C1orf167: variants seen among roughly 807,000 people sequenced by gnomAD.
C1orf167 encodes the protein uncharacterized protein C1orf167.
In C1orf167, 153 loss-of-function variants were observed where a neutral mutation model predicts 176.5. The ratio of observed to expected loss-of-function variants is 0.87; its 90% CI spans 0.76 to 0.99. The LOEUF is 0.99. C1orf167 is among the 50% of genes least tolerant of loss of function. The pLI, the probability that C1orf167 is intolerant of heterozygous loss-of-function variation, is 0.00. For missense variants in C1orf167, 1,490 were observed against 1,817.7 expected (o/e 0.82, Z 3.28); for synonymous variants, 594 against 752.7 (o/e 0.79, Z 3.45).
At chr1:11,784,639 C>T (rs1434899838) in intron 15 of C1orf167, 46 bp downstream of exon 15, 13 of 1,200,656 alleles carry the variant, frequency 1.1e-5, no homozygotes, top group Non-Finnish European at 1.4e-5. Context: ...GCTTCCAGCT[C>T]AGGCCTCAAG....
intron 13 of C1orf167, among the ~76,000 whole-genome samples, chr1:11,781,897 A>G (rs1051521425): frequency 4.0e-5 from 6 of 149,486 alleles, no homozygotes; most frequent in African/African-American, 1.2e-4. Flanking sequence ...GTGACGGAGT[A>G]AGACTCCGTC....
intron 17 of C1orf167, 71 bp from the exon 18 acceptor site, chr1:11,787,802 T>G (rs906727494): frequency 8.4e-7 from 1 of 1,185,300 alleles, no homozygotes; most frequent in Non-Finnish European, 1.1e-6. Context: ...ACTCAACTCC[T>G]AGGCGGGCAC....
rs566468933 is a variant in C1orf167, at chr1:11,763,254, T to A, written c.-71+949T>A. Among the ~76,000 whole-genome samples, 24 of 152,232 alleles carry A rather than the reference T, an allele frequency of 1.6e-4. No homozygotes were observed. The Middle Eastern group carries it at 0.017, about 108-fold the overall frequency. On this transcript the variant is annotated intron_variant, in intron 1 of 20. Transcript: ENST00000688073. ...CAGGAGTTCGAGACCATCCTGGCCA[T>A]CATGGTGAAACCCTGTCTCTACCAA...
At chr1:11,784,099 C>G (rs1467992893) in intron 14 of C1orf167, 75 bp from the exon 15 acceptor site, 13 of 1,175,248 alleles carry the variant, frequency 1.1e-5, no homozygotes, top group East Asian at 6.0e-5. Flanking sequence ...AGGTGATCCA[C>G]TCACCTTGGC....
chr1:11,767,515 G>C (rs1642859683), intron 4 of C1orf167, among the ~76,000 whole-genome samples: 1 of 152,064 alleles, frequency 6.6e-6, no homozygotes. Context: ...GGCCACCCTG[G>C]GTTTTCGGCA....
rs1401998894 is a variant in C1orf167 at position 11,779,893 on chromosome 1, G to A, written c.2743G>A (p.Val915Met). The A allele has an allele frequency of 2.3e-6, 3 of 1,303,040 alleles. No homozygotes were observed. In the African/African-American group the frequency reaches 4.6e-5, roughly 20 times the overall value. 80.7% of individuals were successfully genotyped at this position (1,303,040 alleles called of 1,614,324 possible). The change falls in exon 13 of 21, where the codon GTG (valine) becomes ATG (methionine). Residue 915 changes from valine (V) to methionine (M), a missense_variant. Physicochemically the swap from Val to Met is conservative, Grantham distance 21. Coordinates refer to ENST00000688073, the MANE Select transcript of C1orf167 (RefSeq NM_001010881.2). ...HRAWDRTCRA[V>M]LGLWRQRLLQ... The stretch of plus-strand genomic sequence containing the variant: ...GGCCTGGGATCGGACCTGCAGGGCT[G>A]TGCTGGGCCTGTGGCGTCAGCGGCT...
At chr1:11,778,868 G>A (rs1245290864) in intron 11 of C1orf167, 52 bp downstream of exon 11, 4 of 1,293,860 alleles carry the variant, frequency 3.1e-6, no homozygotes, top group African/African-American at 1.5e-5. Flanking sequence ...GTGGATGGGT[G>A]GAGATTGTGG....
Position 11,765,941 on chromosome 1 carries a change from G to A in C1orf167, c.155G>A (p.Gly52Glu), listed in dbSNP as rs1430915424. Residue 52 changes from glycine (G) to glutamate (E), a missense_variant, in exon 3 of 21, where the codon GGA becomes GAA. Physicochemically the swap from Gly to Glu is moderately conservative, Grantham distance 98. Transcript: ENST00000688073. ...QWVPGCQVERGGPAATPSPGA... is the reference protein window; with the variant it reads ...QWVPGCQVEREGPAATPSPGA... ...GTGCCCGGGTGCCAGGTGGAGAGGG[G>A]AGGGCCTGCTGCCACACCCTCCCCA... is the stretch of plus-strand genomic sequence containing the variant. The A allele has an allele frequency of 2.4e-6, 3 of 1,260,298 alleles. No homozygotes were observed. In the African/African-American group the frequency reaches 4.6e-5, roughly 19 times the overall value. The allele number at this position is 1,260,298 out of a possible 1,614,324, so 78.1% of individuals were successfully genotyped here.
At position 11,767,022 on chromosome 1, in the gene C1orf167, C is replaced by T. The variant is rs763859250; in HGVS notation, c.1236C>T (p.His412=). The change falls in exon 3 of 21, where the codon CAC becomes CAT. Residue 412 remains histidine (H), a synonymous_variant. Coordinates refer to ENST00000688073, the MANE Select transcript of C1orf167 (RefSeq NM_001010881.2). ...AGGGGGCCCCGAGGGAGCGGGTCCA[C>T]AGGGAGGAGGAGAGGACAGCTTTCC... The part of the protein sequence containing the change: ...GEEGAPRERV[H]REEERTAFHL... 211 of 1,216,272 alleles carry T rather than the reference C, an allele frequency of 1.7e-4. No homozygotes were observed. In the Middle Eastern group the frequency reaches 4.1e-3, roughly 24 times the overall value. The allele number at this position is 1,216,272 out of a possible 1,614,324, so 75.3% of individuals were successfully genotyped here. A position where few individuals can be genotyped will look rare whatever the true frequency, so the allele number is the denominator to read the frequency against.
chr1:11,763,009 G>T (rs1642588148), intron 1 of C1orf167, among the ~76,000 whole-genome samples: 1 of 152,200 alleles, frequency 6.6e-6, no homozygotes, highest in South Asian at 2.1e-4. Flanking sequence ...TGAAGGCAGA[G>T]GGGACAGCAG....
chr1:11,789,116 GCAT>G lies in C1orf167; in HGVS notation c.4174-153_4174-151del. The G allele has an allele frequency of 6.4e-6, 4 of 624,608 alleles. No homozygotes were observed. The South Asian group carries it at 7.5e-5, about 12-fold the overall frequency. 38.7% of individuals were successfully genotyped at this position (624,608 alleles called of 1,614,324 possible). On this transcript the variant is annotated intron_variant, in intron 20 of 20. Coordinates refer to ENST00000688073, the MANE Select transcript of C1orf167 (RefSeq NM_001010881.2). ...ACCATCAGATCTATTCTGAGCTTGT[GCAT>G]TTGGCCTAGGCAAGACTGGCTGGCT...
chr1:11,778,726 AC>A lies in C1orf167; in HGVS notation c.2407del (p.Leu803TrpfsTer19). 6 of 1,304,086 alleles carry A rather than the reference AC, an allele frequency of 4.6e-6. No individual in the cohort carries two copies. The highest frequency in any genetic ancestry group is 6.1e-6 in the Non-Finnish European group (6 of 988,838). 80.8% of individuals were successfully genotyped at this position (1,304,086 alleles called of 1,614,324 possible). On this transcript the variant is annotated frameshift_variant, in exon 11 of 21. Coordinates refer to ENST00000688073, the MANE Select transcript of C1orf167 (RefSeq NM_001010881.2). LOFTEE classifies it high-confidence loss of function. Reference protein sequence around the residue: ...RSLRWWHLRALGPDATSSCTK... With the variant: ...RSLRWWHLRAXGPDATSSCTK... Reference sequence around the variant, plus strand: ...GCCTGAGATGGTGGCACTTGAGGGCACTGGGCCCAGATGCCACATCAAGCTG... The same window carrying A: ...GCCTGAGATGGTGGCACTTGAGGGCATGGGCCCAGATGCCACATCAAGCTG...
chr1:11,772,275 C>T lies in C1orf167; in HGVS notation c.1988+16C>T, dbSNP rs549775082. ...GGCTGTGCAGGTAGGATGCCCTTCC[C>T]TTTTTTTTGAGATGAGGTCTCACTC... On this transcript the variant is annotated intron_variant, in intron 8 of 20. Transcript: ENST00000688073. 6 of 1,287,380 alleles carry T rather than the reference C, an allele frequency of 4.7e-6. No homozygotes were observed. Among genetic ancestry groups the T allele is most frequent in the African/African-American group, 1.5e-5 (1 of 65,344 alleles). The allele number at this position is 1,287,380 out of a possible 1,614,324, so 79.7% of individuals were successfully genotyped here.
chr1:11,776,714 C>G (rs1388884575), intron 10 of C1orf167, 76 bp downstream of exon 10: 10 of 1,123,964 alleles, frequency 8.9e-6, no homozygotes, highest in African/African-American at 1.7e-5. Context: ...TGCTCAGCAC[C>G]AGGAGGAATG....
chr1:11,770,974 G>T (rs1449440835), intron 6 of C1orf167, among the ~76,000 whole-genome samples: 1 of 15,724 alleles, frequency 6.4e-5, no homozygotes, highest in East Asian at 0.038. Flanking sequence ...TGGCTAATTT[G>T]TGTGTGTGTG....
intron 10 of C1orf167, 77 bp downstream of exon 10, chr1:11,776,715 AGGAGGAATGCG>A (rs1643333793): frequency 1.8e-6 from 2 of 1,125,544 alleles, no homozygotes; most frequent in East Asian, 8.0e-5. Context: ...GCTCAGCACC[AGGAGGAATGCG>A]GGAGGAATAT....
Position 11,789,337 on chromosome 1 carries a change from G to T in C1orf167, c.4241G>T (p.Arg1414Ile), listed in dbSNP as rs1644009837. The T allele has an allele frequency of 1.5e-5, 19 of 1,304,062 alleles. No homozygotes were observed. Among genetic ancestry groups the T allele is most frequent in the Non-Finnish European group, 1.6e-5 (16 of 988,946 alleles). The allele number at this position is 1,304,062 out of a possible 1,614,324, so 80.8% of individuals were successfully genotyped here. A position where few individuals can be genotyped will look rare whatever the true frequency, so the allele number is the denominator to read the frequency against. Residue 1414 changes from arginine to isoleucine, a missense_variant, in exon 21 of 21, where the codon AGA becomes ATA. Arg to Ile is a moderately conservative substitution (Grantham distance 97). Coordinates refer to ENST00000688073, the MANE Select transcript of C1orf167 (RefSeq NM_001010881.2). ...SPRRGAASSP[R>I]PWSKPGPKGP... ...AGGAGAGGAGCTGCCAGTAGCCCAA[G>T]ACCCTGGAGCAAGCCAGGCCCCAAG...
At chr1:11,762,569 C>A (rs914827485) in intron 1 of C1orf167, among the ~76,000 whole-genome samples, 1 of 152,168 alleles carries the variant, frequency 6.6e-6, no homozygotes, top group African/African-American at 2.4e-5. Flanking sequence ...TAGGAGTCTG[C>A]GCTGTGGAGC....
chr1:11,782,419 C>T (rs567236694), intron 14 of C1orf167, 86 bp downstream of exon 14: 6 of 1,126,256 alleles, frequency 5.3e-6, no homozygotes, highest in Admixed American at 4.7e-5. Flanking sequence ...GAAGCTCAGA[C>T]GGTGGCCCAG....
Sources: gnomAD v4.1 joint callset for allele counts (sites outside exome capture counted in the v4.1 genomes callset) on GRCh38, gnomAD v4.1.1 for gene constraint, MANE v1.5 for transcripts, NCBI Gene and HGNC (gene_info 2026-07-23, HGNC 2026-07-21) for gene names.